The following SV2C variants were observed in gnomAD, a reference collection of about 807,000 sequenced individuals.
SV2C encodes the protein solute carrier family 22 member B3.
A neutral mutation model predicts 79.7 loss-of-function variants in SV2C; 49 were observed. That is an observed-to-expected ratio of 0.61 (90% CI 0.49 to 0.78). The LOEUF is 0.78. Ranked by LOEUF, SV2C falls within the 30% of genes least tolerant of loss-of-function variation. The pLI is 0.00. For missense variants in SV2C, 833 were observed against 912.9 expected (o/e 0.91, Z 1.13); for synonymous variants, 334 against 333.2 (o/e 1.00, Z -0.03).
chr5:76,349,027 G>C (rs1359261948), intron 12 of SV2C, among the ~76,000 whole-genome samples: 1 of 151,730 alleles, frequency 6.6e-6, no homozygotes, highest in African/African-American at 2.4e-5. Context: ...ATGGATGCTA[G>C]AGCCAAATTT....
chr5:76,268,527 G>C (rs776600453), intron 4 of SV2C, among the ~76,000 whole-genome samples: 1 of 152,206 alleles, frequency 6.6e-6, no homozygotes, highest in Non-Finnish European at 1.5e-5. Flanking sequence ...AGTGCCAGGT[G>C]CTTTTATTAA....
chr5:76,316,428 G>A (rs1010132461), intron 12 of SV2C, among the ~76,000 whole-genome samples: 3 of 152,116 alleles, frequency 2.0e-5, no homozygotes, highest in East Asian at 1.9e-4. Context: ...GTGGCCCTAG[G>A]CATCAGTATT....
At chr5:76,250,266 A>G (rs1746072728) in intron 4 of SV2C, among the ~76,000 whole-genome samples, 1 of 152,076 alleles carries the variant, frequency 6.6e-6, no homozygotes, top group Non-Finnish European at 1.5e-5. Flanking sequence ...AATACCTAAC[A>G]TTGCTATTAT....
chr5:76,287,068 C>T (rs75088229), intron 6 of SV2C, among the ~76,000 whole-genome samples: 2,191 of 152,182 alleles, frequency 0.014, 54 homozygotes, highest in African/African-American at 0.051. Flanking sequence ...GCAATGTGTT[C>T]GCTTTTCAGG....
At chr5:76,078,927 C>A, upstream of SV2C, 1 of 542,714 alleles carries the variant, frequency 1.8e-6, no homozygotes, top group Non-Finnish European at 3.7e-6. Context: ...AAGAAGAGAT[C>A]GACAGCCTTT....
At chr5:75,956,766 C>T in the SV2C span, among the ~76,000 whole-genome samples, 1 of 151,888 alleles carries the variant, frequency 6.6e-6, no homozygotes, top group East Asian at 1.9e-4. Flanking sequence ...AACACTGAAG[C>T]CCCAAATTCT....
intron 3 of SV2C, among the ~76,000 whole-genome samples, chr5:76,204,732 C>T (rs1736623504): frequency 6.6e-6 from 1 of 152,164 alleles, no homozygotes; most frequent in Non-Finnish European, 1.5e-5. Flanking sequence ...CTATAACCTC[C>T]CTCTTTCATT....
chr5:76,273,857 C>G (rs1015431127), intron 4 of SV2C, among the ~76,000 whole-genome samples: 1 of 152,286 alleles, frequency 6.6e-6, no homozygotes, highest in South Asian at 2.1e-4. Context: ...ATTGTGATTG[C>G]TTTGTGCATC....
chr5:76,305,784 T>G (rs1748167163), intron 12 of SV2C, among the ~76,000 whole-genome samples: 1 of 152,214 alleles, frequency 6.6e-6, no homozygotes, highest in Admixed American at 6.5e-5. Context: ...GTATCAAAAA[T>G]GAGCATAACA....
At chr5:75,923,853 G>A in the SV2C span, among the ~76,000 whole-genome samples, 19 of 152,114 alleles carry the variant, frequency 1.2e-4, no homozygotes, top group Non-Finnish European at 2.4e-4. Flanking sequence ...AGTATGGAGA[G>A]TCCTTAAAGA....
intron 1 of SV2C, among the ~76,000 whole-genome samples, chr5:76,116,191 A>G (rs1349385427): frequency 2.6e-5 from 4 of 152,178 alleles, no homozygotes; most frequent in South Asian, 2.1e-4. Context: ...TGAATGTTCT[A>G]TGGGACAGAG....
chr5:76,148,097 T>G (rs979130171), intron 2 of SV2C, among the ~76,000 whole-genome samples: 1 of 152,232 alleles, frequency 6.6e-6, no homozygotes, highest in African/African-American at 2.4e-5. Context: ...AGTCATTGCT[T>G]GGTTTTACAA....
downstream of SV2C, among the ~76,000 whole-genome samples, chr5:76,336,505 G>A (rs1174461513): frequency 1.3e-5 from 2 of 152,202 alleles, no homozygotes; most frequent in African/African-American, 2.4e-5. Context: ...GCCAGGCAGA[G>A]GCTGCAATCT....
At chr5:76,243,909 CCT>C (rs773165944) in intron 4 of SV2C, among the ~76,000 whole-genome samples, 3 of 152,188 alleles carry the variant, frequency 2.0e-5, no homozygotes, top group Non-Finnish European at 4.4e-5. Flanking sequence ...AAAACATTTC[CCT>C]CTCAGGGCAT....
the SV2C span, among the ~76,000 whole-genome samples, chr5:76,030,526 G>A: frequency 1.3e-5 from 2 of 151,996 alleles, no homozygotes; most frequent in African/African-American, 4.8e-5. Context: ...AGTAAGTAAT[G>A]CTGATTTGCT....
intron 4 of SV2C, chr5:76,281,146 G>A: frequency 1.8e-6 from 1 of 541,736 alleles, no homozygotes; most frequent in South Asian, 1.4e-5. Context: ...ACAACTAAGT[G>A]AGAAGGTATC....
intron 4 of SV2C, among the ~76,000 whole-genome samples, chr5:76,261,856 T>C (rs146075717): frequency 6.6e-6 from 1 of 152,240 alleles, no homozygotes; most frequent in Non-Finnish European, 1.5e-5. Context: ...AGTATTTTAT[T>C]GAGGGTTTTT....
the SV2C span, among the ~76,000 whole-genome samples, chr5:75,970,715 A>T: frequency 6.6e-6 from 1 of 152,114 alleles, no homozygotes; most frequent in South Asian, 2.1e-4. Flanking sequence ...CCAGGACCAG[A>T]TGGATTCACA....
chr5:76,267,924 C>G (rs2112467954), intron 4 of SV2C, among the ~76,000 whole-genome samples: 1 of 152,344 alleles, frequency 6.6e-6, no homozygotes, highest in African/African-American at 2.4e-5. Context: ...ATAAGAACCA[C>G]TTGGGGTGCT....
Sources: gnomAD v4.1 joint callset for allele counts (sites outside exome capture counted in the v4.1 genomes callset) on GRCh38, gnomAD v4.1.1 for gene constraint, MANE v1.5 for transcripts, NCBI Gene and HGNC (gene_info 2026-07-23, HGNC 2026-07-21) for gene names.